TRERF1: variants seen among roughly 807,000 people sequenced by gnomAD.
The protein encoded by TRERF1 is transcriptional regulating factor 1, also known as transcriptional-regulating factor 1.
A neutral mutation model predicts 122.9 loss-of-function variants in TRERF1; 27 were observed. The observed-to-expected ratio is 0.22, with a 90% CI of 0.16 to 0.30. TRERF1 has a LOEUF of 0.30. TRERF1 is among the 10% of genes least tolerant of loss of function. The pLI is 1.00. For synonymous variants in TRERF1, 636 were observed against 641.7 expected, an observed-to-expected ratio of 0.99 and a Z score of 0.13; for missense variants, 1,248 against 1,560.3, an observed-to-expected ratio of 0.80 and a Z score of 3.37.
chr6:42,332,848 G>GAAGA (rs1765468160), intron 3 of TRERF1, among the ~76,000 whole-genome samples: 3 of 152,006 alleles, frequency 2.0e-5, no homozygotes, highest in African/African-American at 7.3e-5. Flanking sequence ...TATGAGGAGG[G>GAAGA]TCTTCTACGG....
chr6:42,436,058 C>T (rs1962366), intron 2 of TRERF1, among the ~76,000 whole-genome samples: 12,835 of 152,056 alleles, frequency 0.084, 693 homozygotes, highest in African/African-American at 0.15. Context: ...ATCTGTTGAA[C>T]ATAGAGTCCA....
chr6:42,307,655 A>G (rs1469542115), intron 3 of TRERF1, among the ~76,000 whole-genome samples: 1 of 151,142 alleles, frequency 6.6e-6, no homozygotes, highest in Non-Finnish European at 1.5e-5. Flanking sequence ...CTTTCTACTC[A>G]GTTGTGCTTA....
At chr6:42,419,543 TACTATAC>T (rs112228134) in intron 2 of TRERF1, among the ~76,000 whole-genome samples, 7 of 152,036 alleles carry the variant, frequency 4.6e-5, no homozygotes, top group African/African-American at 1.7e-4. Context: ...CTCAGCACCT[TACTATAC>T]ACTGGGGGGA....
chr6:42,419,967 C>T (rs117850052), intron 2 of TRERF1, among the ~76,000 whole-genome samples: 1 of 152,296 alleles, frequency 6.6e-6, no homozygotes, highest in East Asian at 1.9e-4. Context: ...AAATCACACT[C>T]CCTTCACCTC....
At position 42,430,634 on chromosome 6, in the gene TRERF1, G is replaced by A. The variant is rs1431734055; in HGVS notation, c.-454+20543C>T. On this transcript the variant is annotated intron_variant, in intron 2 of 17. Transcript: ENST00000372922. ...TCGTTGGCTGGGCGCGGTGGCTCAT[G>A]CCTGTAATCCCAGCACTTTGGGAGG... 4.6e-5 allele frequency among the ~76,000 whole-genome samples: 7 copies of A among 152,148 alleles called. No individual in the cohort carries two copies. In the East Asian group the frequency reaches 7.8e-4, roughly 17 times the overall value.
chr6:42,307,886 C>T (rs186491177), intron 3 of TRERF1, among the ~76,000 whole-genome samples: 33 of 152,134 alleles, frequency 2.2e-4, no homozygotes, highest in Admixed American at 2.0e-3. Flanking sequence ...CAGGTCTACA[C>T]GAACCATCCT....
chr6:42,228,792 G>A lies in TRERF1; in HGVS notation c.3279-123C>T, dbSNP rs1163014507. ...AAAGTCCCTGGCTGCTCGGCTTCTA[G>A]GACCTCCTTCCCCTGTGACCTGTCA... On this transcript the variant is annotated intron_variant, in intron 17 of 17. Transcript: ENST00000372922. This position sits in a 1 kb window ranked among gnomAD's most constrained non-coding sequence, Gnocchi z 4.2. The A allele has an allele frequency of 2.2e-6, 2 of 916,510 alleles. No homozygotes were observed. Among genetic ancestry groups the A allele is most frequent in the Non-Finnish European group, 3.3e-6 (2 of 603,186 alleles). 56.8% of individuals were successfully genotyped at this position (916,510 alleles called of 1,614,324 possible). A position where few individuals can be genotyped will look rare whatever the true frequency, so the allele number is the denominator to read the frequency against.
intron 3 of TRERF1, among the ~76,000 whole-genome samples, chr6:42,313,213 G>C (rs1347081728): frequency 6.6e-6 from 1 of 152,166 alleles, no homozygotes; most frequent in Non-Finnish European, 1.5e-5. Flanking sequence ...TGCTTCCCAA[G>C]GAACGTCTTC....
At chr6:42,413,914 C>T (rs1781473637) in intron 2 of TRERF1, among the ~76,000 whole-genome samples, 1 of 152,056 alleles carries the variant, frequency 6.6e-6, no homozygotes, top group Non-Finnish European at 1.5e-5. Flanking sequence ...AGAAGGAAAG[C>T]CAAAAGTTGG....
chr6:42,267,793 C>CA (rs1779474972), intron 5 of TRERF1, among the ~76,000 whole-genome samples: 1 of 152,134 alleles, frequency 6.6e-6, no homozygotes, highest in Non-Finnish European at 1.5e-5. Flanking sequence ...AAAGGGGGAC[C>CA]AATGTCACAG....
chr6:42,332,373 G>GTGT (rs1231352630), intron 3 of TRERF1, among the ~76,000 whole-genome samples: 2 of 152,222 alleles, frequency 1.3e-5, no homozygotes, highest in East Asian at 3.8e-4. Context: ...GATCCCTATA[G>GTGT]ACAGAAAACA....
chr6:42,343,737 T>C (rs1338163099), intron 3 of TRERF1, among the ~76,000 whole-genome samples: 1 of 152,238 alleles, frequency 6.6e-6, no homozygotes, highest in Non-Finnish European at 1.5e-5. Flanking sequence ...TGGTGCTGTT[T>C]TTCAACAATC....
chr6:42,264,197 G>A (rs990046240), intron 7 of TRERF1, among the ~76,000 whole-genome samples: 3 of 152,190 alleles, frequency 2.0e-5, no homozygotes, highest in African/African-American at 7.2e-5. Context: ...AAAATTTGTG[G>A]ATAGTTTACT....
At chr6:42,323,097 T>G (rs1350093821) in intron 3 of TRERF1, among the ~76,000 whole-genome samples, 1 of 151,806 alleles carries the variant, frequency 6.6e-6, no homozygotes, top group South Asian at 2.1e-4. Context: ...AAAACATGTA[T>G]TTGTCTAAGA....
intron 3 of TRERF1, among the ~76,000 whole-genome samples, chr6:42,315,253 G>T (rs1762288364): frequency 6.6e-6 from 1 of 152,210 alleles, no homozygotes; most frequent in South Asian, 2.1e-4. Context: ...CAGAGATGCT[G>T]CTAAACATCT....
intron 4 of TRERF1, among the ~76,000 whole-genome samples, chr6:42,285,429 CAG>C (rs898423246): frequency 2.6e-5 from 4 of 152,040 alleles, no homozygotes; most frequent in Non-Finnish European, 5.9e-5. Flanking sequence ...CGTCTGCAAA[CAG>C]GGACAATTTG....
At chr6:42,325,327 C>T (rs1419235196) in intron 3 of TRERF1, among the ~76,000 whole-genome samples, 3 of 152,150 alleles carry the variant, frequency 2.0e-5, no homozygotes, top group African/African-American at 7.2e-5. Flanking sequence ...TTAGTTCAGC[C>T]ACCATGGAAA....
intron 2 of TRERF1, among the ~76,000 whole-genome samples, chr6:42,408,372 T>TA (rs1780615222): frequency 1.5e-5 from 1 of 66,100 alleles, no homozygotes; most frequent in African/African-American, 5.6e-5. Context: ...TATATATATA[T>TA]CTTTTTTTTT....
intron 13 of TRERF1, among the ~76,000 whole-genome samples, chr6:42,253,416 G>A (rs1383480048): frequency 2.0e-5 from 3 of 152,150 alleles, no homozygotes; most frequent in Non-Finnish European, 4.4e-5. Flanking sequence ...CCAGGAGGCT[G>A]GACAGCCTCT....
Sources: gnomAD v4.1 joint callset for allele counts (sites outside exome capture counted in the v4.1 genomes callset) on GRCh38, gnomAD v4.1.1 for gene constraint, Gnocchi (gnomAD v3.1) non-coding constraint, MANE v1.5 for transcripts, NCBI Gene and HGNC (gene_info 2026-07-23, HGNC 2026-07-21) for gene names.